Variants in TTC28 observed in about 807,000 individuals in gnomAD.
TTC28 encodes the protein tetratricopeptide repeat protein 28.
TTC28 carries 61 observed loss-of-function variants against 198.0 expected under a neutral mutation model. The observed-to-expected ratio is 0.31, with a 90% CI of 0.25 to 0.38. The LOEUF (loss-of-function observed/expected upper bound fraction) is 0.38. TTC28 is among the 10% of genes least tolerant of loss of function. The probability of loss-of-function intolerance (pLI) is 1.00; values close to 1 mark genes in which losing one functional copy is unlikely to be tolerated. For missense variants in TTC28, 2,678 were observed against 3,164.0 expected, an observed-to-expected ratio of 0.85 and a Z score of 3.69; for synonymous variants, 1,171 against 1,297.8, an observed-to-expected ratio of 0.90 and a Z score of 2.10.
At position 28,163,079 on chromosome 22, in the gene TTC28, AC is replaced by A; in HGVS notation, c.1441+12del. 6.5e-7 allele frequency: 1 copy of A among 1,537,692 alleles called. No individual in the cohort carries two copies. Among genetic ancestry groups the A allele is most frequent in the African/African-American group, 1.4e-5 (1 of 73,010 alleles). On this transcript the variant is annotated intron_variant, in intron 6 of 22. Coordinates refer to ENST00000397906, the MANE Select transcript of TTC28 (RefSeq NM_001145418.2). The stretch of plus-strand genomic sequence containing the variant: ...ACTTTGACCTGGGCTCTTACAGGCA[AC>A]CCTGTTCTTACCTAGATTGGAGGAT...
intron 2 of TTC28, among the ~76,000 whole-genome samples, chr22:28,433,008 G>A (rs891627571): frequency 2.6e-5 from 4 of 152,128 alleles, no homozygotes; most frequent in African/African-American, 9.7e-5. Flanking sequence ...TGGTCTTGAT[G>A]TTTCATGAAT....
chr22:28,414,689 T>C (rs1445745604), intron 2 of TTC28, among the ~76,000 whole-genome samples: 1 of 152,184 alleles, frequency 6.6e-6, no homozygotes, highest in Non-Finnish European at 1.5e-5. Context: ...AGGGCAGCGA[T>C]GTAAGACAGT....
intron 17 of TTC28, 115 bp downstream of exon 17, chr22:27,996,020 C>T (rs1007744093): frequency 7.7e-6 from 11 of 1,425,672 alleles, no homozygotes; most frequent in Admixed American, 7.1e-5. Context: ...GGACACGGCC[C>T]CAATCACGGT....
chr22:28,359,235 A>T (rs2046122525), intron 2 of TTC28, among the ~76,000 whole-genome samples: 1 of 152,212 alleles, frequency 6.6e-6, no homozygotes, highest in Non-Finnish European at 1.5e-5. Context: ...CTGTTTAAGA[A>T]AACCTCTTCC....
intron 5 of TTC28, among the ~76,000 whole-genome samples, chr22:28,232,575 TG>T (rs1470448290): frequency 2.0e-5 from 3 of 152,220 alleles, no homozygotes; most frequent in African/African-American, 7.2e-5. Context: ...TGCAAATGTC[TG>T]TTTGAAACCA....
intron 2 of TTC28, among the ~76,000 whole-genome samples, chr22:28,387,255 T>C (rs183006338): frequency 2.4e-3 from 359 of 152,354 alleles, no homozygotes; most frequent in Non-Finnish European, 4.2e-3. Context: ...GTTGGACATT[T>C]GGGTTGGTTC....
chr22:28,317,243 G>A (rs763213700), intron 2 of TTC28, among the ~76,000 whole-genome samples: 3 of 152,034 alleles, frequency 2.0e-5, no homozygotes, highest in Non-Finnish European at 2.9e-5. Context: ...TAACCTTTAT[G>A]TCATCTTAGA....
At chr22:28,443,867 G>C (rs1025291680) in intron 2 of TTC28, among the ~76,000 whole-genome samples, 4 of 152,024 alleles carry the variant, frequency 2.6e-5, no homozygotes, top group African/African-American at 9.7e-5. Flanking sequence ...AGACTTGTAA[G>C]GCAGTTATAT....
intron 5 of TTC28, among the ~76,000 whole-genome samples, chr22:28,284,993 G>C (rs1430738821): frequency 6.6e-6 from 1 of 152,186 alleles, no homozygotes; most frequent in African/African-American, 2.4e-5. Flanking sequence ...CTACGTCTGA[G>C]TATATATCCA....
chr22:28,553,612 A>T (rs899647995), intron 2 of TTC28, among the ~76,000 whole-genome samples: 11 of 149,538 alleles, frequency 7.4e-5, no homozygotes, highest in African/African-American at 2.7e-4. Flanking sequence ...CTGGGAAGTG[A>T]GGAGCGTCTC....
chr22:28,211,521 A>C (rs368656213), intron 5 of TTC28, among the ~76,000 whole-genome samples: 1 of 152,300 alleles, frequency 6.6e-6, no homozygotes, highest in African/African-American at 2.4e-5. Context: ...AACAAGGATC[A>C]AAAGAGACAA....
chr22:28,300,681 T>C (rs1263657904), intron 3 of TTC28, among the ~76,000 whole-genome samples: 1 of 152,114 alleles, frequency 6.6e-6, no homozygotes, highest in Non-Finnish European at 1.5e-5. Flanking sequence ...GAAGAAGAAA[T>C]TGATCTCTTG....
intron 5 of TTC28, among the ~76,000 whole-genome samples, chr22:28,285,906 T>C (rs1256688946): frequency 2.0e-5 from 3 of 151,958 alleles, no homozygotes; most frequent in African/African-American, 7.2e-5. Flanking sequence ...ATTTCAACAG[T>C]GGATGAATGG....
At chr22:28,560,875 G>A (rs2049860951) in intron 2 of TTC28, among the ~76,000 whole-genome samples, 1 of 151,386 alleles carries the variant, frequency 6.6e-6, no homozygotes. Flanking sequence ...TCCTGCCTCA[G>A]CCTCCCAAGT....
At chr22:28,457,361 C>G (rs1018396731) in intron 2 of TTC28, among the ~76,000 whole-genome samples, 4 of 152,186 alleles carry the variant, frequency 2.6e-5, no homozygotes, top group African/African-American at 9.7e-5. Flanking sequence ...AAAGTAGGTG[C>G]AAAGGTTGTT....
At chr22:28,671,642 A>G (rs2051888503) in intron 1 of TTC28, among the ~76,000 whole-genome samples, 1 of 149,286 alleles carries the variant, frequency 6.7e-6, no homozygotes, top group African/African-American at 2.4e-5. Flanking sequence ...CTCAAAAAAA[A>G]AAAAAAAAAA....
At position 27,981,365 on chromosome 22, in the gene TTC28, A is replaced by T. The variant is rs1205753514; in HGVS notation, c.*856T>A. 1.4e-5 allele frequency: 2 copies of T among 145,566 alleles called. No homozygotes were observed. The highest frequency in any genetic ancestry group is 3.0e-5 in the Non-Finnish European group (2 of 66,914). 9.0% of individuals were successfully genotyped at this position (145,566 alleles called of 1,614,324 possible). A position where few individuals can be genotyped will look rare whatever the true frequency, so the allele number is the denominator to read the frequency against. ...ATTTGACATTTTAAAAAACTTTTTG[A>T]GCTTTTAAAAATAATAGCTATAAAT... is the stretch of plus-strand genomic sequence containing the variant. On this transcript the variant is annotated 3_prime_UTR_variant, in exon 23 of 23. Coordinates refer to ENST00000397906, the MANE Select transcript of TTC28 (RefSeq NM_001145418.2).
At chr22:28,217,519 G>A (rs1407406815) in intron 5 of TTC28, among the ~76,000 whole-genome samples, 1 of 152,102 alleles carries the variant, frequency 6.6e-6, no homozygotes, top group Admixed American at 6.5e-5. Context: ...CAAAATCAAG[G>A]CTAACAGGAT....
intron 2 of TTC28, among the ~76,000 whole-genome samples, chr22:28,327,827 T>C (rs1246701521): frequency 6.6e-6 from 1 of 152,204 alleles, no homozygotes; most frequent in East Asian, 1.9e-4. Context: ...GTATAATATC[T>C]AACAGTAACC....
Sources: allele counts gnomAD v4.1 joint callset (sites outside exome capture counted in the v4.1 genomes callset), GRCh38; gene constraint gnomAD v4.1.1; transcripts MANE v1.5; gene names NCBI Gene and HGNC (gene_info 2026-07-23, HGNC 2026-07-21).